The following SAMTOR variants were observed in gnomAD, a reference collection of about 807,000 sequenced individuals.
SAMTOR encodes the protein S-adenosylmethionine sensor upstream of mTORC1, also known as UPF0532 protein C7orf60.
the SAMTOR span, among the ~76,000 whole-genome samples, chr7:112,890,658 T>TA: frequency 2.0e-5 from 3 of 150,082 alleles, no homozygotes; most frequent in African/African-American, 4.9e-5. Flanking sequence ...ATTATAAAAA[T>TA]AAAAAAGTAT....
At chr7:112,827,310 T>C in the SAMTOR span, among the ~76,000 whole-genome samples, 1 of 152,202 alleles carries the variant, frequency 6.6e-6, no homozygotes, top group Non-Finnish European at 1.5e-5. Context: ...TTTAAATCTA[T>C]AATCTTGCTA....
At chr7:112,922,865 T>C in the SAMTOR span, among the ~76,000 whole-genome samples, 2 of 124,330 alleles carry the variant, frequency 1.6e-5, no homozygotes, top group African/African-American at 6.3e-5. Flanking sequence ...AGCCACCCCG[T>C]CCGGGAGGGA....
chr7:112,835,190 C>T, the SAMTOR span, among the ~76,000 whole-genome samples: 1 of 151,996 alleles, frequency 6.6e-6, no homozygotes, highest in Non-Finnish European at 1.5e-5. Context: ...GATCCAGCAG[C>T]TTTACTAAAT....
chr7:112,877,779 C>T, the SAMTOR span, among the ~76,000 whole-genome samples: 1 of 151,904 alleles, frequency 6.6e-6, no homozygotes, highest in African/African-American at 2.4e-5. Context: ...TCTTGTGAGA[C>T]CTTGTGAGAC....
At chr7:112,906,199 T>C in the SAMTOR span, among the ~76,000 whole-genome samples, 5 of 152,208 alleles carry the variant, frequency 3.3e-5, no homozygotes, top group African/African-American at 4.8e-5. Context: ...TAAATCTAGA[T>C]GGTATAGCCT....
At chr7:112,911,560 A>G in the SAMTOR span, among the ~76,000 whole-genome samples, 1 of 152,172 alleles carries the variant, frequency 6.6e-6, no homozygotes, top group Non-Finnish European at 1.5e-5. Context: ...AAAATGACCC[A>G]TAACCAAAAG....
the SAMTOR span, among the ~76,000 whole-genome samples, chr7:112,828,126 TA>T: frequency 6.6e-6 from 1 of 152,252 alleles, no homozygotes; most frequent in Non-Finnish European, 1.5e-5. Flanking sequence ...GCTACTGTCA[TA>T]AATGTTCATT....
chr7:112,861,123 G>A, the SAMTOR span, among the ~76,000 whole-genome samples: 2 of 151,662 alleles, frequency 1.3e-5, no homozygotes, highest in Admixed American at 1.3e-4. Context: ...GTACAACACA[G>A]GTGAGTTATA....
the SAMTOR span, among the ~76,000 whole-genome samples, chr7:112,875,623 A>G: frequency 6.6e-6 from 1 of 152,120 alleles, no homozygotes; most frequent in Non-Finnish European, 1.5e-5. Flanking sequence ...ACCTTTCCCT[A>G]TCACACTCCT....
At chr7:112,895,527 TAC>T in the SAMTOR span, 8 of 1,399,544 alleles carry the variant, frequency 5.7e-6, no homozygotes, top group South Asian at 1.2e-4. Context: ...TTCACATTAA[TAC>T]AGTTATCCAG....
At chr7:112,934,083 C>G in the SAMTOR span, among the ~76,000 whole-genome samples, 1 of 152,264 alleles carries the variant, frequency 6.6e-6, no homozygotes, top group African/African-American at 2.4e-5. Context: ...CACCTTCACT[C>G]TACTGTAAAT....
At chr7:112,850,328 G>A in the SAMTOR span, among the ~76,000 whole-genome samples, 6 of 152,136 alleles carry the variant, frequency 3.9e-5, no homozygotes, top group South Asian at 4.1e-4. Context: ...GGATTTCTGC[G>A]TCTATGTTCA....
chr7:112,832,631 C>T, the SAMTOR span: 1 of 1,613,396 alleles, frequency 6.2e-7, no homozygotes, highest in Non-Finnish European at 8.5e-7. Context: ...GTTAAAGCAG[C>T]TGCCAACATC....
chr7:112,857,080 T>A, the SAMTOR span, among the ~76,000 whole-genome samples: 2 of 121,562 alleles, frequency 1.6e-5, no homozygotes, highest in Non-Finnish European at 3.3e-5. Flanking sequence ...TCTTTTAATC[T>A]TTTTTTTTTT....
chr7:112,870,497 A>G, the SAMTOR span, among the ~76,000 whole-genome samples: 1 of 152,210 alleles, frequency 6.6e-6, no homozygotes, highest in African/African-American at 2.4e-5. Context: ...GCAGTCGCTA[A>G]GAGAATTCAC....
At chr7:112,937,440 AAT>A in the SAMTOR span, among the ~76,000 whole-genome samples, 40 of 152,248 alleles carry the variant, frequency 2.6e-4, 1 homozygote, top group Admixed American at 1.7e-3. Flanking sequence ...GAACTTGTAA[AAT>A]ATGTTTACAG....
At chr7:112,902,687 A>G in the SAMTOR span, among the ~76,000 whole-genome samples, 43 of 152,088 alleles carry the variant, frequency 2.8e-4, no homozygotes, top group Non-Finnish European at 7.4e-5. Context: ...GTACCACTCT[A>G]GTGCTGGATG....
At chr7:112,888,642 A>G in the SAMTOR span, among the ~76,000 whole-genome samples, 1 of 152,202 alleles carries the variant, frequency 6.6e-6, no homozygotes, top group South Asian at 2.1e-4. Flanking sequence ...GCAAAAAAGT[A>G]TATCTTTACT....
the SAMTOR span, among the ~76,000 whole-genome samples, chr7:112,825,427 A>G: frequency 3.3e-5 from 5 of 152,216 alleles, no homozygotes; most frequent in Non-Finnish European, 7.3e-5. Context: ...ACTCACATAT[A>G]AAATAAACAT....
Sources: gnomAD v4.1 joint callset for allele counts (sites outside exome capture counted in the v4.1 genomes callset) on GRCh38, gnomAD v4.1.1 for gene constraint, MANE v1.5 for transcripts, NCBI Gene and HGNC (gene_info 2026-07-23, HGNC 2026-07-21) for gene names.